MTAP: variants seen among roughly 807,000 people sequenced by gnomAD.
MTAP encodes methylthioadenosine phosphorylase.
In MTAP, 33 loss-of-function variants were observed where a neutral mutation model predicts 33.6. That is an observed-to-expected ratio of 0.98 (90% CI 0.74 to 1.31). The LOEUF is 1.31. MTAP is among the 40% of genes most tolerant of loss of function. The pLI is 0.00. For synonymous variants in MTAP, 148 were observed against 125.7 expected, an observed-to-expected ratio of 1.18 and a Z score of -1.19; for missense variants, 367 against 360.0, an observed-to-expected ratio of 1.02 and a Z score of -0.16.
At chr9:21,899,071 A>G (rs999933178) in intron 1 of MTAP, among the ~76,000 whole-genome samples, 1 of 152,042 alleles carries the variant, frequency 6.6e-6, no homozygotes, top group Non-Finnish European at 1.5e-5. Flanking sequence ...GGATGAGTTC[A>G]TGTCCTTTGT....
At chr9:21,913,029 A>G (rs1818606947) in intron 1 of MTAP, among the ~76,000 whole-genome samples, 1 of 152,210 alleles carries the variant, frequency 6.6e-6, no homozygotes, top group South Asian at 2.1e-4. Context: ...CCCATTCACA[A>G]TTGCTTCAAA....
At chr9:21,902,343 C>A (rs1587286023) in intron 1 of MTAP, among the ~76,000 whole-genome samples, 1 of 152,280 alleles carries the variant, frequency 6.6e-6, no homozygotes, top group Admixed American at 6.5e-5. Flanking sequence ...AGTCTTAAGT[C>A]GCATGCCTAT....
At chr9:21,841,651 A>G (rs985619051) in intron 5 of MTAP, among the ~76,000 whole-genome samples, 2 of 149,184 alleles carry the variant, frequency 1.3e-5, no homozygotes, top group African/African-American at 2.5e-5. Context: ...GGTGGCCTCA[A>G]TGGGTGGCTA....
chr9:21,881,799 C>G (rs1587272088), intron 1 of MTAP, among the ~76,000 whole-genome samples: 1 of 151,918 alleles, frequency 6.6e-6, no homozygotes, highest in South Asian at 2.1e-4. Context: ...GATGCAGCCA[C>G]TATGGAAAAC....
At chr9:21,921,059 A>G (rs1443568252) in intron 1 of MTAP, among the ~76,000 whole-genome samples, 3 of 152,002 alleles carry the variant, frequency 2.0e-5, no homozygotes, top group South Asian at 2.1e-4. Context: ...GAGACTTTTT[A>G]TTACAGCTTT....
chr9:21,852,873 G>C (rs569452160), intron 5 of MTAP, among the ~76,000 whole-genome samples: 1 of 152,136 alleles, frequency 6.6e-6, no homozygotes, highest in African/African-American at 2.4e-5. Flanking sequence ...AATCTGTTTA[G>C]GCTGGTGATC....
At chr9:21,847,660 T>C (rs985774483) in intron 5 of MTAP, among the ~76,000 whole-genome samples, 2 of 152,198 alleles carry the variant, frequency 1.3e-5, no homozygotes, top group Non-Finnish European at 2.9e-5. Context: ...TGAAGCTGGT[T>C]GGTTGCTCCT....
intron 5 of MTAP, among the ~76,000 whole-genome samples, chr9:21,849,814 G>T (rs1357327445): frequency 1.3e-5 from 2 of 152,222 alleles, no homozygotes; most frequent in African/African-American, 2.4e-5. Context: ...GAACCAAGTG[G>T]TGACTCCAAT....
Position 21,811,514 on chromosome 9 carries a change from C to G in MTAP, c.34-3919C>G, listed in dbSNP as rs530086578. 5.3e-5 allele frequency: 14 copies of G among 263,422 alleles called. No individual in the cohort carries two copies. In the East Asian group the frequency reaches 1.4e-3, roughly 26 times the overall value. The allele number at this position is 263,422 out of a possible 1,614,324, so 16.3% of individuals were successfully genotyped here. A position where few individuals can be genotyped will look rare whatever the true frequency, so the allele number is the denominator to read the frequency against. The stretch of plus-strand genomic sequence containing the variant: ...CTTTAGAACATGTGATGTCAAGACA[C>G]AACAGCAAGCGCACATACACTAAGA... On this transcript the variant is annotated intron_variant, in intron 1 of 7. Transcript: ENST00000644715.
chr9:21,871,029 A>T (rs148442964), downstream of MTAP, among the ~76,000 whole-genome samples: 2,863 of 152,054 alleles, frequency 0.019, 94 homozygotes, highest in African/African-American at 0.063. Flanking sequence ...CCTCGGCCTT[A>T]CAAAGTGCTA....
At chr9:21,921,446 G>T (rs1367208019) in intron 1 of MTAP, among the ~76,000 whole-genome samples, 4 of 151,256 alleles carry the variant, frequency 2.6e-5, no homozygotes, top group Non-Finnish European at 5.9e-5. Flanking sequence ...GTTTTGTTTT[G>T]TTCTCTTTTC....
At chr9:21,812,731 C>T (rs1182620748) in intron 1 of MTAP, among the ~76,000 whole-genome samples, 1 of 152,182 alleles carries the variant, frequency 6.6e-6, no homozygotes, top group East Asian at 1.9e-4. Context: ...CTTGACCTCT[C>T]TGAGCATGTT....
At chr9:21,884,795 A>T (rs933117297) in intron 1 of MTAP, among the ~76,000 whole-genome samples, 1 of 152,188 alleles carries the variant, frequency 6.6e-6, no homozygotes, top group East Asian at 1.9e-4. Flanking sequence ...GGGTTTCAAC[A>T]TATGAACTTT....
At chr9:21,904,444 G>C (rs1587287115) in intron 1 of MTAP, among the ~76,000 whole-genome samples, 1 of 152,110 alleles carries the variant, frequency 6.6e-6, no homozygotes, top group Non-Finnish European at 1.5e-5. Context: ...ATCATTTAAA[G>C]GGACCATGCT....
At chr9:21,837,780 C>T in intron 4 of MTAP, 128 bp from the exon 5 acceptor site, 1 of 717,196 alleles carries the variant, frequency 1.4e-6, no homozygotes, top group Non-Finnish European at 2.4e-6. Context: ...TTAGCTTATC[C>T]AGAGGAATTG....
At chr9:21,843,024 C>G (rs1003633826) in intron 5 of MTAP, among the ~76,000 whole-genome samples, 2 of 152,098 alleles carry the variant, frequency 1.3e-5, no homozygotes, top group Admixed American at 6.5e-5. Flanking sequence ...AGGAGAATCA[C>G]CTAGCACACA....
intron 5 of MTAP, among the ~76,000 whole-genome samples, chr9:21,851,509 G>A (rs1372283599): frequency 6.6e-6 from 1 of 152,164 alleles, no homozygotes; most frequent in Non-Finnish European, 1.5e-5. Flanking sequence ...TGCATTTCCA[G>A]TTGCACAAAG....
intron 4 of MTAP, among the ~76,000 whole-genome samples, chr9:21,821,179 G>T (rs1225891731): frequency 1.3e-5 from 2 of 152,218 alleles, no homozygotes; most frequent in Non-Finnish European, 2.9e-5. Context: ...GGAGTGGTGA[G>T]AGAGGGCATC....
intron 1 of MTAP, among the ~76,000 whole-genome samples, chr9:21,895,460 A>C (rs897652451): frequency 6.6e-6 from 1 of 152,200 alleles, no homozygotes; most frequent in East Asian, 1.9e-4. Context: ...TACCGGGTTC[A>C]TCTCACTGGG....
Sources: allele counts gnomAD v4.1 joint callset (sites outside exome capture counted in the v4.1 genomes callset), GRCh38; gene constraint gnomAD v4.1.1; transcripts MANE v1.5; gene names NCBI Gene and HGNC (gene_info 2026-07-23, HGNC 2026-07-21).